Variants in LDAH observed in about 807,000 individuals in gnomAD.
The protein encoded by LDAH is lipid droplet-associated hydrolase.
A neutral mutation model predicts 29.6 loss-of-function variants in LDAH; 26 were observed. The observed-to-expected ratio is 0.88, with a 90% CI of 0.64 to 1.22. LDAH has a LOEUF of 1.22. Ranked by LOEUF, LDAH falls within the 50% of genes most tolerant of loss-of-function variation. LDAH has a pLI of 0.00. For synonymous variants in LDAH, 117 were observed against 133.0 expected (o/e 0.88, Z 0.83); for missense variants, 344 against 387.3 (o/e 0.89, Z 0.94).
At chr2:20,801,107 C>CAT (rs1373443241) in intron 2 of LDAH, among the ~76,000 whole-genome samples, 3 of 151,704 alleles carry the variant, frequency 2.0e-5, no homozygotes, top group African/African-American at 7.3e-5. Flanking sequence ...CACACACACA[C>CAT]AACAGACAAC....
intron 1 of LDAH, among the ~76,000 whole-genome samples, chr2:20,820,560 A>G (rs1251839024): frequency 6.6e-6 from 1 of 152,176 alleles, no homozygotes; most frequent in Non-Finnish European, 1.5e-5. Context: ...CTGGCTAGCC[A>G]TATGTAGAAA....
intron 4 of LDAH, among the ~76,000 whole-genome samples, chr2:20,761,675 A>C (rs1668698654): frequency 6.6e-6 from 1 of 152,128 alleles, no homozygotes; most frequent in African/African-American, 2.4e-5. Context: ...CATAATTTAT[A>C]CCTACTGGGT....
intron 1 of LDAH, among the ~76,000 whole-genome samples, chr2:20,807,696 T>C (rs1175377905): frequency 6.6e-6 from 1 of 151,898 alleles, no homozygotes. Context: ...AATATAAATA[T>C]GAAATTCATT....
intron 2 of LDAH, among the ~76,000 whole-genome samples, chr2:20,791,365 G>C (rs2125074884): frequency 6.6e-6 from 1 of 152,286 alleles, no homozygotes; most frequent in East Asian, 1.9e-4. Context: ...TACCTCATTT[G>C]AAGACTAAGT....
rs547340876 is a variant in LDAH at position 20,766,529 on chromosome 2, A to C, written c.468+8281T>G. ...TCTTCATAGGGGCAGCCTACCCTCA[A>C]AGGATTTGTATCATGAGTAAGAAAC... On this transcript the variant is annotated intron_variant, in intron 4 of 6. Coordinates refer to ENST00000237822, the MANE Select transcript of LDAH (RefSeq NM_021925.4). Among the ~76,000 whole-genome samples the C allele has an allele frequency of 1.1e-4, 16 of 152,318 alleles. No individual in the cohort carries two copies. The South Asian group carries it at 1.2e-3, about 12-fold the overall frequency.
In LDAH at chr2:20,801,930, A is replaced by ATGTGTGTGTG. The variant is rs35921690; in HGVS notation, c.-2-475_-2-466dup. 3.6e-5 allele frequency among the ~76,000 whole-genome samples: 5 copies of ATGTGTGTGTG among 140,222 alleles called. No homozygotes were observed. In the South Asian group the frequency reaches 6.9e-4, roughly 19 times the overall value. The allele number at this position is 140,222 out of a possible 152,430, so 92.0% of individuals were successfully genotyped here. ...TTACTCTTCTCTTCTCCCAAATTCT[A>ATGTGTGTGTG]TGTGTGTGTGTGTGTGTGTGTGTGT... On this transcript the variant is annotated intron_variant, in intron 1 of 6. Coordinates refer to ENST00000237822, the MANE Select transcript of LDAH (RefSeq NM_021925.4).
chr2:20,816,421 A>T (rs1672853138), intron 1 of LDAH, among the ~76,000 whole-genome samples: 2 of 152,114 alleles, frequency 1.3e-5, no homozygotes, highest in African/African-American at 4.8e-5. Context: ...TTGAAAACAG[A>T]AGTATGGAAA....
At chr2:20,728,282 T>C (rs10495709) in intron 5 of LDAH, among the ~76,000 whole-genome samples, 33,691 of 151,926 alleles carry the variant, frequency 0.22, 4,469 homozygotes, top group East Asian at 0.36. Flanking sequence ...AAGGTCGTTG[T>C]CTGGATGATA....
intron 5 of LDAH, among the ~76,000 whole-genome samples, chr2:20,736,951 T>C (rs1265283626): frequency 1.3e-5 from 2 of 152,244 alleles, no homozygotes; most frequent in African/African-American, 4.8e-5. Context: ...ACATTTTTCT[T>C]GTTAATCTGT....
chr2:20,809,235 CAAAA>C (rs56974629), intron 1 of LDAH, among the ~76,000 whole-genome samples: 3 of 133,962 alleles, frequency 2.2e-5, no homozygotes, highest in Admixed American at 7.4e-5. Flanking sequence ...ACTAGAAATA[CAAAA>C]AAAAAAAAAA....
chr2:20,777,434 T>C (rs1225930209), intron 3 of LDAH, among the ~76,000 whole-genome samples: 1 of 152,198 alleles, frequency 6.6e-6, no homozygotes, highest in Admixed American at 6.5e-5. Context: ...TTTTTATTTA[T>C]TTATTTTTGA....
rs191540807 is a variant in LDAH, at chr2:20,684,156, C to T, written c.*2747G>A. On this transcript the variant is annotated 3_prime_UTR_variant, in exon 7 of 7. Transcript: ENST00000237822. ...CAGTAAACAGACATGATGCCCCTCA[C>T]CCCCAGATACCTCAGTGTCTCCAGT... 6.6e-6 allele frequency: 1 copy of T among 152,200 alleles called. No homozygotes were observed. Among genetic ancestry groups the T allele is most frequent in the African/African-American group, 2.4e-5 (1 of 41,434 alleles). The allele number at this position is 152,200 out of a possible 1,614,324, so 9.4% of individuals were successfully genotyped here.
Position 20,769,156 on chromosome 2 carries a change from T to C in LDAH, c.468+5654A>G, listed in dbSNP as rs183143044. Among the ~76,000 whole-genome samples, 12 of 152,280 alleles carry C rather than the reference T, an allele frequency of 7.9e-5. No homozygotes were observed. The East Asian group carries it at 2.3e-3, about 29-fold the overall frequency. On this transcript the variant is annotated intron_variant, in intron 4 of 6. Coordinates refer to ENST00000237822, the MANE Select transcript of LDAH (RefSeq NM_021925.4). ...TTCTCTTCATGCTGTCTCCCTTGCC[T>C]AGAATGCACAGTACCCCCTAGCCAC...
intron 3 of LDAH, chr2:20,789,061 C>A: frequency 6.8e-7 from 1 of 1,461,364 alleles, no homozygotes; most frequent in African/African-American, 1.4e-5. Context: ...TTAAATCTTG[C>A]TCCCTTCTGT....
At chr2:20,788,612 A>G (rs1445657222) in intron 3 of LDAH, among the ~76,000 whole-genome samples, 1 of 152,206 alleles carries the variant, frequency 6.6e-6, no homozygotes, top group Non-Finnish European at 1.5e-5. Context: ...GAGAAGCTCA[A>G]TAAGCACAAA....
intron 5 of LDAH, among the ~76,000 whole-genome samples, chr2:20,716,720 G>GTATATATATATATATATATA (rs1362301507): frequency 0.02 from 2,611 of 130,054 alleles, 124 homozygotes; most frequent in Non-Finnish European, 0.024. Flanking sequence ...AGAACTTTAA[G>GTATATATATATATATATATA]TATATATACA....
intron 6 of LDAH, among the ~76,000 whole-genome samples, chr2:20,691,402 C>T (rs1663013626): frequency 6.6e-6 from 1 of 152,088 alleles, no homozygotes; most frequent in African/African-American, 2.4e-5. Flanking sequence ...GTCTCCAACT[C>T]CTGGGCTCAA....
intron 5 of LDAH, 97 bp downstream of exon 5, chr2:20,739,874 A>G (rs944289569): frequency 1.5e-5 from 12 of 825,202 alleles, no homozygotes; most frequent in Non-Finnish European, 2.0e-5. Flanking sequence ...AAACTAGTAA[A>G]TAATTGCTTG....
Position 20,685,850 on chromosome 2 carries a change from C to A in LDAH, c.*1053G>T. ...CATAACTTAATGGCTGGGTTTGGTT[C>A]ATTAACAAAATAATTTCTTTCCAGC... On this transcript the variant is annotated 3_prime_UTR_variant, in exon 7 of 7. Transcript: ENST00000237822. 2 of 543,660 alleles carry A rather than the reference C, an allele frequency of 3.7e-6. No homozygotes were observed. The highest frequency in any genetic ancestry group is 5.8e-6 in the Non-Finnish European group (2 of 345,178). 33.7% of individuals were successfully genotyped at this position (543,660 alleles called of 1,614,324 possible). A position where few individuals can be genotyped will look rare whatever the true frequency, so the allele number is the denominator to read the frequency against.
Sources: gnomAD v4.1 joint callset for allele counts (sites outside exome capture counted in the v4.1 genomes callset) on GRCh38, gnomAD v4.1.1 for gene constraint, MANE v1.5 for transcripts, NCBI Gene and HGNC (gene_info 2026-07-23, HGNC 2026-07-21) for gene names.